ASIC1: variants seen among roughly 807,000 people sequenced by gnomAD.
ASIC1 encodes the protein acid sensing ion channel subunit 1.
A neutral mutation model predicts 63.4 loss-of-function variants in ASIC1; 21 were observed. That is an observed-to-expected ratio of 0.33 (90% CI 0.23 to 0.48). The LOEUF (loss-of-function observed/expected upper bound fraction) is 0.48. Among genes scored for constraint, ASIC1 ranks in the 20% least tolerant of loss-of-function variants. The pLI is 0.99. For missense variants in ASIC1, 478 were observed against 695.5 expected (o/e 0.69, Z 3.52); for synonymous variants, 258 against 278.2 (o/e 0.93, Z 0.72).
At chr12:50,079,813 T>G in intron 7 of ASIC1, 89 bp from the exon 8 acceptor site, 1 of 1,433,912 alleles carries the variant, frequency 7.0e-7, no homozygotes, top group South Asian at 1.4e-5. Context: ...GGGCCCAGAG[T>G]TTCTCTGGGC....
At chr12:50,081,222 G>A in intron 10 of ASIC1, 38 bp from the exon 11 acceptor site, 1 of 1,605,490 alleles carries the variant, frequency 6.2e-7, no homozygotes, top group Non-Finnish European at 8.5e-7. Flanking sequence ...ACGTGGGGGC[G>A]GGGTCCAGCC....
rs139198737 is a variant in ASIC1, at chr12:50,077,350, G to A, written c.696G>A (p.Val232=). 7.4e-6 allele frequency: 12 copies of A among 1,614,066 alleles called. No individual in the cohort carries two copies. The East Asian group carries it at 2.2e-4, about 30-fold the overall frequency. ...TCCAGCAGGACGAGTACCTGCCTGT[G>A]TGGGGGGAGACTGGTACGTCACCCA... ...LDIQQDEYLP[V]WGETDETSFE... Residue 232 remains valine, a synonymous_variant, in exon 4 of 12, where the codon GTG becomes GTA. Transcript: ENST00000447966.
At chr12:50,066,775 G>A (rs144409674) in intron 3 of ASIC1, among the ~76,000 whole-genome samples, 4 of 152,210 alleles carry the variant, frequency 2.6e-5, no homozygotes, top group African/African-American at 7.2e-5. Context: ...CACCCTCAGC[G>A]GATGACCTTG....
At position 50,078,434 on chromosome 12, in the gene ASIC1, C is replaced by T; in HGVS notation, c.851C>T (p.Pro284Leu). Residue 284 changes from proline to leucine, a missense_variant, in exon 6 of 12, where the codon CCC (proline) becomes CTC (leucine). Physicochemically the swap from Pro to Leu is moderately conservative, Grantham distance 98. This residue lies in a region of ASIC1 where 290 missense variants were observed against 414.9 expected (regional missense o/e 0.70). Transcript: ENST00000447966. This position sits in a 1 kb window ranked among gnomAD's most constrained non-coding sequence, Gnocchi z 6.0. ...CTCTCCCAGCAGCTCATCTACCTGC[C>T]CCCACCCTGGGGCACCTGCAAAGCT... ...ACQEQRLIYLPPPWGTCKAVT... is the reference protein window; with the variant it reads ...ACQEQRLIYLLPPWGTCKAVT... 6.2e-7 allele frequency: 1 copy of T among 1,614,022 alleles called. No individual in the cohort carries two copies. The highest frequency in any genetic ancestry group is 8.5e-7 in the Non-Finnish European group (1 of 1,179,934).
chr12:50,078,754 G>A lies in ASIC1; in HGVS notation c.995-170G>A. ...CTGCACCCCCAGGGATGGGTGGGAA[G>A]GGTCTAGAAGGTATGGACCTGGAGT... On this transcript the variant is annotated intron_variant, in intron 6 of 11. Coordinates refer to ENST00000447966, the MANE Select transcript of ASIC1 (RefSeq NM_001095.4). This position sits in a 1 kb window ranked among gnomAD's most constrained non-coding sequence, Gnocchi z 6.0. The A allele has an allele frequency of 7.6e-7, 1 of 1,312,878 alleles. No homozygotes were observed. The highest frequency in any genetic ancestry group is 1.1e-6 in the Non-Finnish European group (1 of 921,866). The allele number at this position is 1,312,878 out of a possible 1,614,324, so 81.3% of individuals were successfully genotyped here. A position where few individuals can be genotyped will look rare whatever the true frequency, so the allele number is the denominator to read the frequency against.
In ASIC1 at chr12:50,078,493, T is replaced by C; in HGVS notation, c.910T>C (p.Ser304Pro). 1 of 1,614,082 alleles carries C rather than the reference T, an allele frequency of 6.2e-7. No individual in the cohort carries two copies. The highest frequency in any genetic ancestry group is 1.1e-5 in the South Asian group (1 of 91,084). The change falls in exon 6 of 12, where the codon TCC becomes CCC. Residue 304 changes from serine (S) to proline (P), a missense_variant. Physicochemically the swap from Ser to Pro is moderately conservative, Grantham distance 74. This residue lies in a region of ASIC1 where 290 missense variants were observed against 414.9 expected (regional missense o/e 0.70). Transcript: ENST00000447966. The surrounding 1 kb of genome is among the most constrained non-coding windows in gnomAD (Gnocchi z 6.0). ...GGACTCGGATTTGGATTTCTTCGACTCCTACAGCATCACTGCCTGCCGCAT... is the reference window on the plus strand; with the variant it reads ...GGACTCGGATTTGGATTTCTTCGACCCCTACAGCATCACTGCCTGCCGCAT... ...TMDSDLDFFD[S>P]YSITACRIDC...
Position 50,081,343 on chromosome 12 carries a change from C to G in ASIC1, c.1461C>G (p.Ser487Arg). ...RSSADKGVAL[S>R]LDDVKRHNPC... is the part of the protein sequence containing the mutation. ...GTGCGGACAAGGGCGTGGCCCTCAG[C>G]CTGGACGACGTCAAAAGACACGTGA... Residue 487 changes from serine (S) to arginine (R), a missense_variant, in exon 11 of 12, where the codon AGC (serine) becomes AGG (arginine). Physicochemically the swap from Ser to Arg is moderately radical, Grantham distance 110 (BLOSUM62 -1). Coordinates refer to ENST00000447966, the MANE Select transcript of ASIC1 (RefSeq NM_001095.4). 1 of 1,607,464 alleles carries G rather than the reference C, an allele frequency of 6.2e-7. No homozygotes were observed. The highest frequency in any genetic ancestry group is 8.5e-7 in the Non-Finnish European group (1 of 1,177,028).
chr12:50,078,195 T>C lies in ASIC1; in HGVS notation c.837+68T>C. 1.3e-6 allele frequency: 2 copies of C among 1,568,182 alleles called. No homozygotes were observed. The highest frequency in any genetic ancestry group is 1.7e-6 in the Non-Finnish European group (2 of 1,159,878). On this transcript the variant is annotated intron_variant, in intron 5 of 11. Coordinates refer to ENST00000447966, the MANE Select transcript of ASIC1 (RefSeq NM_001095.4). This position sits in a 1 kb window ranked among gnomAD's most constrained non-coding sequence, Gnocchi z 6.0. ...GGGGTCCAGATGGAGTGGTGGGCAA[T>C]CAGTAATGGGAAGGACAGGTGAGCA... is the stretch of plus-strand genomic sequence containing the variant.
intron 3 of ASIC1, chr12:50,073,983 C>T: frequency 6.5e-7 from 1 of 1,535,846 alleles, no homozygotes; most frequent in Non-Finnish European, 8.7e-7. Flanking sequence ...AGCTGGCCTT[C>T]CCGGCAGTCA....
chr12:50,064,248 A>G (rs965049162), intron 3 of ASIC1, among the ~76,000 whole-genome samples: 3 of 152,060 alleles, frequency 2.0e-5, no homozygotes, highest in Admixed American at 1.3e-4. Context: ...CCTCTCTCCT[A>G]GGAAGTGCCT....
chr12:50,074,149 C>T lies in ASIC1; in HGVS notation c.559-3064C>T, dbSNP rs980877746. 2.7e-5 allele frequency: 42 copies of T among 1,535,462 alleles called. No individual in the cohort carries two copies. Among genetic ancestry groups the T allele is most frequent in the Non-Finnish European group, 3.3e-5 (38 of 1,146,582 alleles). The stretch of plus-strand genomic sequence containing the variant: ...CTTCTCTGGGGAGCCCTTTAACCTG[C>T]ACCGCTTCTACAATCGCTCCTGCCA... On this transcript the variant is annotated intron_variant, in intron 3 of 11. Coordinates refer to ENST00000447966, the MANE Select transcript of ASIC1 (RefSeq NM_001095.4). The surrounding 1 kb of genome is among the most constrained non-coding windows in gnomAD (Gnocchi z 4.2).
chr12:50,079,809 A>T, intron 7 of ASIC1, 93 bp from the exon 8 acceptor site: 1 of 1,442,126 alleles, frequency 6.9e-7, no homozygotes, highest in South Asian at 1.4e-5. Flanking sequence ...AAAGGGGCCC[A>T]GAGTTTCTCT....
chr12:50,074,017 C>T lies in ASIC1; in HGVS notation c.559-3196C>T, dbSNP rs995508195. ...CACCCTCTGCAACACTAATGCTGTGCGGCTGTCCCAGCTCAGCTACCCTGA... is the reference window on the plus strand; with the variant it reads ...CACCCTCTGCAACACTAATGCTGTGTGGCTGTCCCAGCTCAGCTACCCTGA... On this transcript the variant is annotated intron_variant, in intron 3 of 11. Coordinates refer to ENST00000447966, the MANE Select transcript of ASIC1 (RefSeq NM_001095.4). The surrounding 1 kb of genome is among the most constrained non-coding windows in gnomAD (Gnocchi z 4.2). 23 of 1,534,628 alleles carry T rather than the reference C, an allele frequency of 1.5e-5. No homozygotes were observed. Among genetic ancestry groups the T allele is most frequent in the Admixed American group, 9.8e-5 (5 of 50,880 alleles).
rs1256028589 is a variant in ASIC1, at chr12:50,059,689, C to T, written c.363-70C>T. The T allele has an allele frequency of 2.0e-6, 3 of 1,515,568 alleles. No homozygotes were observed. The African/African-American group carries it at 4.1e-5, about 21-fold the overall frequency. 93.9% of individuals were successfully genotyped at this position (1,515,568 alleles called of 1,614,324 possible). On this transcript the variant is annotated intron_variant, in intron 2 of 11. Transcript: ENST00000447966. The surrounding 1 kb of genome is among the most constrained non-coding windows in gnomAD (Gnocchi z 4.6). ...GATCCCCAGGGCTGGAGGCTGCCCC[C>T]ATCACCCAAGTTGGGTGCAGGACAC...
intron 3 of ASIC1, among the ~76,000 whole-genome samples, chr12:50,070,135 G>T (rs1950584342): frequency 6.6e-6 from 1 of 152,190 alleles, no homozygotes. Context: ...GAAGGTCTGG[G>T]TGGGGGGCGC....
chr12:50,080,372 C>A, intron 8 of ASIC1, 126 bp from the exon 9 acceptor site: 1 of 942,688 alleles, frequency 1.1e-6, no homozygotes, highest in Non-Finnish European at 1.6e-6. Context: ...CAGGTATCTC[C>A]ATCAGCATCT....
At chr12:50,058,268 G>C (rs1243384895) in intron 1 of ASIC1, among the ~76,000 whole-genome samples, 4 of 152,164 alleles carry the variant, frequency 2.6e-5, no homozygotes, top group African/African-American at 9.7e-5. Flanking sequence ...CCACCTCCCT[G>C]GGGGTTTTCT....
chr12:50,069,256 T>TTTAA (rs1950575164), intron 3 of ASIC1, among the ~76,000 whole-genome samples: 1 of 146,300 alleles, frequency 6.8e-6, no homozygotes, highest in Non-Finnish European at 1.5e-5. Flanking sequence ...TTATTTTTTA[T>TTTAA]TTTATTTATT....
intron 3 of ASIC1, 152 bp downstream of exon 3, chr12:50,060,106 A>G (rs1364618513): frequency 3.4e-5 from 31 of 905,978 alleles, no homozygotes; most frequent in Non-Finnish European, 4.6e-5. Flanking sequence ...GAGTTTGTTC[A>G]GCATAGGGGC....
Sources: allele counts gnomAD v4.1 joint callset (sites outside exome capture counted in the v4.1 genomes callset), GRCh38; gene constraint gnomAD v4.1.1; regional missense constraint gnomAD v4.1.1; non-coding constraint Gnocchi (gnomAD v3.1); transcripts MANE v1.5; gene names NCBI Gene and HGNC (gene_info 2026-07-23, HGNC 2026-07-21).